Variants in TUBG1 observed in about 807,000 individuals in gnomAD.
The protein encoded by TUBG1 is tubulin gamma-1 chain.
TUBG1 carries 22 observed loss-of-function variants against 53.3 expected under a neutral mutation model. That is an observed-to-expected ratio of 0.41 (90% CI 0.29 to 0.59). The LOEUF (loss-of-function observed/expected upper bound fraction) is 0.59, where lower values mean the gene tolerates loss of function less well. Among genes scored for constraint, TUBG1 ranks in the 20% least tolerant of loss-of-function variants. The pLI is 0.26. For synonymous variants in TUBG1, 198 were observed against 236.7 expected, an observed-to-expected ratio of 0.84 and a Z score of 1.50; for missense variants, 217 against 598.9, an observed-to-expected ratio of 0.36 and a Z score of 6.66.
At position 42,613,840 on chromosome 17, in the gene TUBG1, T is replaced by C. The variant is rs1174598350; in HGVS notation, c.694-9T>C. The C allele has an allele frequency of 1.2e-5, 20 of 1,614,064 alleles. No individual in the cohort carries two copies. Among genetic ancestry groups the C allele is most frequent in the Non-Finnish European group, 1.7e-5 (20 of 1,180,038 alleles). On this transcript the variant is annotated splice_polypyrimidine_tract_variant and intron_variant, in intron 7 of 10. Transcript: ENST00000251413. ...GCTGAGGCCCATAACATGGCACGCCTGTCCCCAGGTGTCTACCATCATGTC... is the reference window on the plus strand; with the variant it reads ...GCTGAGGCCCATAACATGGCACGCCCGTCCCCAGGTGTCTACCATCATGTC...
Position 42,609,697 on chromosome 17 carries a change from T to C in TUBG1, c.-41T>C, listed in dbSNP as rs1458912208. The stretch of plus-strand genomic sequence containing the variant: ...GCGAGCGGGCTGGCGTGCGGCGCCG[T>C]TGCGGGCGGGAGCGGCTGCAACGCC... On this transcript the variant is annotated 5_prime_UTR_variant, in exon 1 of 11. Coordinates refer to ENST00000251413, the MANE Select transcript of TUBG1 (RefSeq NM_001070.5). The C allele has an allele frequency of 6.5e-7, 1 of 1,537,132 alleles. No individual in the cohort carries two copies. Among genetic ancestry groups the C allele is most frequent in the East Asian group, 2.4e-5 (1 of 40,842 alleles).
Position 42,615,126 on chromosome 17 carries a change from G to T in TUBG1, c.*85G>T. On this transcript the variant is annotated 3_prime_UTR_variant, in exon 11 of 11. Coordinates refer to ENST00000251413, the MANE Select transcript of TUBG1 (RefSeq NM_001070.5). Reference sequence around the variant, plus strand: ...ACCACCCCCTCAGAGCACAGATCAGGGACCTCACGCATCTCTTTCTCATAT... The same window carrying T: ...ACCACCCCCTCAGAGCACAGATCAGTGACCTCACGCATCTCTTTCTCATAT... The T allele has an allele frequency of 7.3e-7, 1 of 1,361,908 alleles. No homozygotes were observed. Among genetic ancestry groups the T allele is most frequent in the African/African-American group, 1.4e-5 (1 of 69,598 alleles). The allele number at this position is 1,361,908 out of a possible 1,614,324, so 84.4% of individuals were successfully genotyped here.
Position 42,614,460 on chromosome 17 carries a change from G to A in TUBG1, c.997-36G>A. On this transcript the variant is annotated intron_variant, in intron 9 of 10. Transcript: ENST00000251413. This position sits in a 1 kb window ranked among gnomAD's most constrained non-coding sequence, Gnocchi z 5.1. ...ACACCCTGGACCTGCAGGGGTAGAGGAGAGGCCACCTCCACTGCTCCTATG... is the reference window on the plus strand; with the variant it reads ...ACACCCTGGACCTGCAGGGGTAGAGAAGAGGCCACCTCCACTGCTCCTATG... The A allele has an allele frequency of 3.1e-6, 5 of 1,614,124 alleles. No individual in the cohort carries two copies. The highest frequency in any genetic ancestry group is 1.7e-4 in the Middle Eastern group (1 of 6,060).
Position 42,614,660 on chromosome 17 carries a change from G to A in TUBG1, c.1158+3G>A, listed in dbSNP as rs751964369. 3.7e-6 allele frequency: 6 copies of A among 1,613,726 alleles called. No homozygotes were observed. The African/African-American group carries it at 6.7e-5, about 18-fold the overall frequency. ...CCAACCACACCAGCATCTCCTCGGT[G>A]AGTCTCAAAGTTTGCACCTTTTTTC... On this transcript the variant is annotated splice_donor_region_variant and intron_variant, in intron 10 of 10. Transcript: ENST00000251413. This position sits in a 1 kb window ranked among gnomAD's most constrained non-coding sequence, Gnocchi z 5.1.
chr17:42,610,085 C>T (rs529036966), intron 1 of TUBG1, 23 bp from the exon 2 acceptor site: 161 of 1,613,654 alleles, frequency 1.0e-4, no homozygotes, highest in Non-Finnish European at 1.3e-4. Flanking sequence ...CTTCTTTCTC[C>T]CCTGCCCGCC....
rs556633608 is a variant in TUBG1, at chr17:42,613,552, A to C, written c.607-95A>C. Reference sequence around the variant, plus strand: ...TTTCCAGTGAGTCTTTCTGGCCATGAAGCTCAAAGGAAATTAAGCTTCAGA... The same window carrying C: ...TTTCCAGTGAGTCTTTCTGGCCATGCAGCTCAAAGGAAATTAAGCTTCAGA... On this transcript the variant is annotated intron_variant, in intron 6 of 10. Transcript: ENST00000251413. 1.5e-5 allele frequency: 23 copies of C among 1,585,218 alleles called. No homozygotes were observed. In the East Asian group the frequency reaches 4.9e-4, roughly 34 times the overall value.
At position 42,614,795 on chromosome 17, in the gene TUBG1, CGTTATTCTTTGAA is replaced by C. The variant is rs756319391; in HGVS notation, c.1159-45_1159-33del. ...CTTGGTTCCCCAGCTTTCTGGGCCA[CGTTATTCTTTGAA>C]GTTCTTTGTAACCCCTGTTTTCTGC... On this transcript the variant is annotated intron_variant, in intron 10 of 10. Transcript: ENST00000251413. This position sits in a 1 kb window ranked among gnomAD's most constrained non-coding sequence, Gnocchi z 5.1. 6.2e-7 allele frequency: 1 copy of C among 1,612,774 alleles called. No homozygotes were observed. Among genetic ancestry groups the C allele is most frequent in the Admixed American group, 1.7e-5 (1 of 59,954 alleles).
intron 5 of TUBG1, 62 bp from the exon 6 acceptor site, chr17:42,612,885 G>T (rs893854482): frequency 3.3e-5 from 53 of 1,601,496 alleles, no homozygotes; most frequent in Non-Finnish European, 4.3e-5. Context: ...CAGTTGTTAG[G>T]GAGCGCCATG....
In TUBG1 at chr17:42,613,639, C is replaced by T; in HGVS notation, c.607-8C>T. The T allele has an allele frequency of 1.2e-6, 2 of 1,614,022 alleles. No homozygotes were observed. The highest frequency in any genetic ancestry group is 1.7e-6 in the Non-Finnish European group (2 of 1,180,000). ...CCATTGATCTGTGATCCTCTTCTGT[C>T]CCCCCAGGTGGTGCTGGACAACACA... On this transcript the variant is annotated splice_region_variant and splice_polypyrimidine_tract_variant and intron_variant, in intron 6 of 10. Transcript: ENST00000251413.
intron 1 of TUBG1, 127 bp downstream of exon 1, chr17:42,609,913 C>A (rs762662140): frequency 7.1e-7 from 1 of 1,401,618 alleles, no homozygotes; most frequent in Non-Finnish European, 9.6e-7. Context: ...CATCCCTGAC[C>A]CAGTGTCCAC....
intron 1 of TUBG1, 145 bp from the exon 2 acceptor site, chr17:42,609,963 G>T (rs1345265870): frequency 7.0e-6 from 9 of 1,293,162 alleles, no homozygotes; most frequent in Non-Finnish European, 9.6e-6. Context: ...CCAGTCCCTG[G>T]CGTACAGTCC....
rs761995989 is a variant in TUBG1 at position 42,613,055 on chromosome 17, G to A, written c.588G>A (p.Thr196=). ...CACTCCTCACACTCAAGAGGCTGAC[G>A]CAGAATGCAGACTGTGTGGTGAGTC... ...YNSLLTLKRL[T]QNADCVVVLD... The change falls in exon 6 of 11, where the codon ACG becomes ACA. Residue 196 remains threonine (T), a synonymous_variant. Transcript: ENST00000251413. 6.8e-6 allele frequency: 11 copies of A among 1,614,034 alleles called. No homozygotes were observed. Among genetic ancestry groups the A allele is most frequent in the Middle Eastern group, 1.6e-4 (1 of 6,062 alleles).
At chr17:42,613,816 C>T (rs775779174) in intron 7 of TUBG1, 33 bp from the exon 8 acceptor site, 24 of 1,614,032 alleles carry the variant, frequency 1.5e-5, no homozygotes, top group Non-Finnish European at 1.6e-5. Flanking sequence ...CCCACCCAGG[C>T]TGAGGCCCAT....
In TUBG1 at chr17:42,614,490, C is replaced by T; in HGVS notation, c.997-6C>T. ...GCCACCTCCACTGCTCCTATGCCCA[C>T]CCCAGGTCCACAAGAGCTTGCAGAG... is the stretch of plus-strand genomic sequence containing the variant. On this transcript the variant is annotated splice_region_variant and splice_polypyrimidine_tract_variant and intron_variant, in intron 9 of 10. Coordinates refer to ENST00000251413, the MANE Select transcript of TUBG1 (RefSeq NM_001070.5). The surrounding 1 kb of genome is among the most constrained non-coding windows in gnomAD (Gnocchi z 5.1). 1.2e-6 allele frequency: 2 copies of T among 1,613,856 alleles called. No individual in the cohort carries two copies. The highest frequency in any genetic ancestry group is 8.5e-7 in the Non-Finnish European group (1 of 1,179,780).
Position 42,615,181 on chromosome 17 carries a change from AT to A in TUBG1, c.*143del. The A allele has an allele frequency of 2.8e-6, 2 of 720,146 alleles. No homozygotes were observed. Among genetic ancestry groups the A allele is most frequent in the South Asian group, 3.7e-5 (2 of 54,646 alleles). The allele number at this position is 720,146 out of a possible 1,614,324, so 44.6% of individuals were successfully genotyped here. A position where few individuals can be genotyped will look rare whatever the true frequency, so the allele number is the denominator to read the frequency against. ...GGACTCTCTGTTGGCCTGCAAACAC[AT>A]TTACTTCTCCTCTTATGAGACTATT... On this transcript the variant is annotated 3_prime_UTR_variant, in exon 11 of 11. Transcript: ENST00000251413.
chr17:42,612,184 A>G, intron 4 of TUBG1, 41 bp downstream of exon 4: 1 of 1,604,286 alleles, frequency 6.2e-7, no homozygotes, highest in Non-Finnish European at 8.5e-7. Context: ...GACATGGGCA[A>G]GGCTTGGCAG....
chr17:42,610,443 C>T lies in TUBG1; in HGVS notation c.183C>T (p.Ile61=). Residue 61 remains isoleucine (I), a synonymous_variant, in exon 3 of 11, where the codon ATC becomes ATT. Transcript: ENST00000251413. The stretch of plus-strand genomic sequence containing the variant: ...GACAGGCAGACGATGAGCACTACAT[C>T]CCCCGGGCCGTGCTGCTGGACTTGG... ...FFYQADDEHY[I]PRAVLLDLEP... 6.2e-7 allele frequency: 1 copy of T among 1,607,542 alleles called. No homozygotes were observed. The highest frequency in any genetic ancestry group is 8.5e-7 in the Non-Finnish European group (1 of 1,175,028).
At chr17:42,610,071 A>G (rs768497250) in intron 1 of TUBG1, 37 bp from the exon 2 acceptor site, 1 of 1,611,706 alleles carries the variant, frequency 6.2e-7, no homozygotes, top group Non-Finnish European at 8.5e-7. Flanking sequence ...CCGGACCTAG[A>G]TATCTTCTTT....
intron 6 of TUBG1, 82 bp from the exon 7 acceptor site, chr17:42,613,565 A>C: frequency 6.3e-7 from 1 of 1,599,888 alleles, no homozygotes; most frequent in Non-Finnish European, 8.6e-7. Flanking sequence ...CTCAAAGGAA[A>C]TTAAGCTTCA....
Sources: gnomAD v4.1 joint callset for allele counts on GRCh38, gnomAD v4.1.1 for gene constraint, Gnocchi (gnomAD v3.1) non-coding constraint, MANE v1.5 for transcripts, NCBI Gene and HGNC (gene_info 2026-07-23, HGNC 2026-07-21) for gene names.